The following NEK11 variants were observed in gnomAD, a reference collection of about 807,000 sequenced individuals.
The protein encoded by NEK11 is NIMA related kinase 11.
NEK11 carries 72 observed loss-of-function variants against 80.7 expected under a neutral mutation model. That is an observed-to-expected ratio of 0.89 (90% CI 0.74 to 1.08). The LOEUF is 1.08. Ranked by LOEUF, NEK11 falls within the 50% of genes least tolerant of loss-of-function variation. The probability of loss-of-function intolerance (pLI) is 0.00; values close to 1 mark genes in which losing one functional copy is unlikely to be tolerated. For missense variants in NEK11, 764 were observed against 763.6 expected (o/e 1.00, Z -0.01); for synonymous variants, 251 against 260.7 (o/e 0.96, Z 0.36).
chr3:131,150,434 C>CA (rs2089427699), intron 7 of NEK11, among the ~76,000 whole-genome samples: 1 of 151,972 alleles, frequency 6.6e-6, no homozygotes, highest in African/African-American at 2.4e-5. Flanking sequence ...GATGCACATG[C>CA]ACACACGCAC....
chr3:131,180,418 T>C (rs2093280791), intron 14 of NEK11, among the ~76,000 whole-genome samples: 1 of 152,174 alleles, frequency 6.6e-6, no homozygotes, highest in African/African-American at 2.4e-5. Flanking sequence ...CCTTTATTCT[T>C]TTACAAAATA....
At chr3:131,320,207 G>C (rs1420985641) in intron 17 of NEK11, among the ~76,000 whole-genome samples, 1 of 152,050 alleles carries the variant, frequency 6.6e-6, no homozygotes, top group Admixed American at 6.6e-5. Context: ...TTTATGCTTG[G>C]TTGTCACTTT....
intron 4 of NEK11, among the ~76,000 whole-genome samples, chr3:131,084,165 C>G (rs1408505358): frequency 1.3e-5 from 2 of 152,208 alleles, no homozygotes; most frequent in African/African-American, 4.8e-5. Flanking sequence ...CCTCAACTCT[C>G]ACAGAATCTT....
At chr3:131,121,420 G>A (rs1419875421) in intron 5 of NEK11, among the ~76,000 whole-genome samples, 1 of 152,216 alleles carries the variant, frequency 6.6e-6, no homozygotes, top group African/African-American at 2.4e-5. Flanking sequence ...TCCCAGTTAG[G>A]CTACTCGGGG....
At chr3:131,260,149 C>G (rs2095888705) in intron 16 of NEK11, among the ~76,000 whole-genome samples, 2 of 151,992 alleles carry the variant, frequency 1.3e-5, no homozygotes, top group Admixed American at 6.6e-5. Flanking sequence ...TAATGATCAC[C>G]CCAAATTTCA....
intron 16 of NEK11, among the ~76,000 whole-genome samples, chr3:131,272,244 C>A (rs1243524861): frequency 1.3e-5 from 2 of 152,100 alleles, no homozygotes; most frequent in Non-Finnish European, 2.9e-5. Context: ...TGAGTCTCTT[C>A]TCTCTGACAT....
chr3:131,192,612 A>T (rs2093842334), intron 14 of NEK11, among the ~76,000 whole-genome samples: 1 of 152,220 alleles, frequency 6.6e-6, no homozygotes, highest in East Asian at 1.9e-4. Context: ...CTTGAAAAGG[A>T]AGAAAATTCT....
In NEK11 at chr3:131,037,232, T is replaced by TTGGGTCAG. The variant is rs2065782756; in HGVS notation, c.170+7355_170+7356insGGGTCAGT. 2.0e-5 allele frequency among the ~76,000 whole-genome samples: 3 copies of TTGGGTCAG among 151,902 alleles called. No homozygotes were observed. In the South Asian group the frequency reaches 6.2e-4, roughly 32 times the overall value. Reference sequence around the variant, plus strand: ...TCTGTGTCATTCAATGGAAGCATTTTTTGTGAGTTACAGCTACATTTGCAC... The same window carrying TTGGGTCAG: ...TCTGTGTCATTCAATGGAAGCATTTTTGGGTCAGTTGTGAGTTACAGCTACATTTGCAC... On this transcript the variant is annotated intron_variant, in intron 3 of 17. Coordinates refer to ENST00000383366, the MANE Select transcript of NEK11 (RefSeq NM_024800.5).
At chr3:131,239,012 A>G (rs575979343) in intron 15 of NEK11, among the ~76,000 whole-genome samples, 3 of 152,210 alleles carry the variant, frequency 2.0e-5, no homozygotes, top group South Asian at 2.1e-4. Flanking sequence ...GATGAGCTCT[A>G]TAGGTCTGCA....
intron 3 of NEK11, among the ~76,000 whole-genome samples, chr3:131,036,851 G>T (rs1269415066): frequency 6.6e-6 from 1 of 152,198 alleles, no homozygotes; most frequent in Non-Finnish European, 1.5e-5. Context: ...TAGGCAAAGG[G>T]ATGGGAGAAG....
intron 17 of NEK11, among the ~76,000 whole-genome samples, chr3:131,300,407 G>A (rs1258170534): frequency 2.0e-5 from 3 of 152,040 alleles, no homozygotes; most frequent in Non-Finnish European, 4.4e-5. Flanking sequence ...GTCAATTTTT[G>A]TTTTTATTGC....
chr3:131,267,346 T>TCCTTAC (rs1337017159), intron 16 of NEK11, among the ~76,000 whole-genome samples: 1 of 152,244 alleles, frequency 6.6e-6, no homozygotes, highest in Admixed American at 6.5e-5. Flanking sequence ...CTTTCCATGT[T>TCCTTAC]TAGTGCTTCC....
chr3:131,047,161 C>T (rs1351472272), intron 3 of NEK11, among the ~76,000 whole-genome samples: 1 of 151,900 alleles, frequency 6.6e-6, no homozygotes, highest in African/African-American at 2.4e-5. Context: ...TCTATTTCAC[C>T]GAAGTTTTTT....
At chr3:131,155,002 C>T in intron 9 of NEK11, 34 bp from the exon 10 acceptor site, 1 of 1,291,466 alleles carries the variant, frequency 7.7e-7, no homozygotes, top group African/African-American at 1.5e-5. Flanking sequence ...AAAGAGGAGC[C>T]TTTAAGATAT....
chr3:131,294,414 G>A (rs1185084181), intron 17 of NEK11, among the ~76,000 whole-genome samples: 1 of 151,400 alleles, frequency 6.6e-6, no homozygotes, highest in Non-Finnish European at 1.5e-5. Context: ...TTCCACTGTG[G>A]TCTGAGTGCA....
At chr3:131,275,674 G>C (rs922978311) in intron 17 of NEK11, among the ~76,000 whole-genome samples, 2 of 152,148 alleles carry the variant, frequency 1.3e-5, no homozygotes, top group African/African-American at 4.8e-5. Context: ...CTGCAAATCT[G>C]CATGTCTTTT....
At chr3:131,222,787 A>T (rs79674301) in intron 14 of NEK11, among the ~76,000 whole-genome samples, 1 of 152,208 alleles carries the variant, frequency 6.6e-6, no homozygotes, top group Non-Finnish European at 1.5e-5. Flanking sequence ...ACCACACCAG[A>T]CCTGCTGAAT....
At chr3:131,188,448 T>C (rs2093676195) in intron 14 of NEK11, among the ~76,000 whole-genome samples, 1 of 152,168 alleles carries the variant, frequency 6.6e-6, no homozygotes. Flanking sequence ...GCTTCAAAAG[T>C]GGTTATCTTA....
chr3:131,238,515 A>G (rs2095470900), intron 15 of NEK11, among the ~76,000 whole-genome samples: 1 of 152,208 alleles, frequency 6.6e-6, no homozygotes, highest in African/African-American at 2.4e-5. Context: ...GAGCAACTAG[A>G]AAACAAAGAA....
Sources: gnomAD v4.1 joint callset for allele counts (sites outside exome capture counted in the v4.1 genomes callset) on GRCh38, gnomAD v4.1.1 for gene constraint, MANE v1.5 for transcripts, NCBI Gene and HGNC (gene_info 2026-07-23, HGNC 2026-07-21) for gene names.